Variants in ADAM17 observed in about 807,000 individuals in gnomAD.
ADAM17 encodes disintegrin and metalloproteinase domain-containing protein 17.
Under a neutral mutation model 96.7 loss-of-function variants are expected in ADAM17, and 39 were observed. The ratio of observed to expected loss-of-function variants is 0.40; its 90% CI spans 0.31 to 0.53. The LOEUF is 0.53. ADAM17 is among the 20% of genes least tolerant of loss of function. ADAM17 has a pLI of 0.44. For missense variants in ADAM17, 777 were observed against 1,013.2 expected, an observed-to-expected ratio of 0.77 and a Z score of 3.17; for synonymous variants, 344 against 359.2, an observed-to-expected ratio of 0.96 and a Z score of 0.48.
intron 11 of ADAM17, among the ~76,000 whole-genome samples, chr2:9,507,247 TGA>T (rs1003486492): frequency 4.6e-5 from 7 of 152,198 alleles, no homozygotes; most frequent in African/African-American, 1.7e-4. Context: ...CCCAGCACTT[TGA>T]GAGGTCGAGG....
At position 9,490,523 on chromosome 2, in the gene ADAM17, A is replaced by G; in HGVS notation, c.2134-5T>C. 6.2e-7 allele frequency: 1 copy of G among 1,608,804 alleles called. No individual in the cohort carries two copies. The highest frequency in any genetic ancestry group is 8.5e-7 in the Non-Finnish European group (1 of 1,176,230). On this transcript the variant is annotated splice_polypyrimidine_tract_variant and splice_region_variant and intron_variant, in intron 18 of 18. Transcript: ENST00000310823. ...GCTGCTCAGCATTTCGACGTTCTGC[A>G]AAGACATGGGTTCAATTGATTGATA...
rs200309188 is a variant in ADAM17, at chr2:9,499,624, G to A, written c.1649-2376C>T. The stretch of plus-strand genomic sequence containing the variant: ...TCACCGTGTTAGCCAGGATGGTCTC[G>A]ATCTCCTGATCTCGTGATCTGCCCA... On this transcript the variant is annotated intron_variant, in intron 13 of 18. Coordinates refer to ENST00000310823, the MANE Select transcript of ADAM17 (RefSeq NM_003183.6). 5.9e-5 allele frequency among the ~76,000 whole-genome samples: 9 copies of A among 152,180 alleles called. No homozygotes were observed. The East Asian group carries it at 9.7e-4, about 16-fold the overall frequency.
At chr2:9,554,551 A>G (rs1203468504) in intron 1 of ADAM17, among the ~76,000 whole-genome samples, 1 of 152,252 alleles carries the variant, frequency 6.6e-6, no homozygotes, top group East Asian at 1.9e-4. Context: ...ACATGGTATC[A>G]TGGTGAAATT....
chr2:9,539,024 A>G (rs568800416), intron 2 of ADAM17, among the ~76,000 whole-genome samples: 1 of 152,300 alleles, frequency 6.6e-6, no homozygotes, highest in South Asian at 2.1e-4. Flanking sequence ...AACTTTTTCC[A>G]AAAAAATTCA....
chr2:9,502,173 C>G lies in ADAM17; in HGVS notation c.1648G>C (p.Gly550Arg), dbSNP rs1663042114. 1 of 1,613,392 alleles carries G rather than the reference C, an allele frequency of 6.2e-7. No individual in the cohort carries two copies. Among genetic ancestry groups the G allele is most frequent in the Non-Finnish European group, 8.5e-7 (1 of 1,179,460 alleles). ...CCAAGGAAGCAACAAGAACACGAACCTGTGCAGTAGGACACGCCTTTGCAA... is the reference window on the plus strand; with the variant it reads ...CCAAGGAAGCAACAAGAACACGAACGTGTGCAGTAGGACACGCCTTTGCAA... ...ATCKGVSYCT[G>R]NSSECPPPGN... Residue 550 changes from glycine (G) to arginine (R), a missense_variant and splice_region_variant, in exon 13 of 19, where the codon GGT becomes CGT. Coordinates refer to ENST00000310823, the MANE Select transcript of ADAM17 (RefSeq NM_003183.6).
chr2:9,518,436 C>T (rs910963189), intron 8 of ADAM17, among the ~76,000 whole-genome samples, 189 bp from the exon 9 acceptor site: 1 of 152,156 alleles, frequency 6.6e-6, no homozygotes, highest in East Asian at 1.9e-4. Context: ...TCCACCTGCA[C>T]AGGTGAGAGG....
intron 1 of ADAM17, among the ~76,000 whole-genome samples, chr2:9,547,941 C>A (rs912266041): frequency 1.2e-4 from 18 of 152,070 alleles, no homozygotes; most frequent in African/African-American, 4.1e-4. Context: ...GTGGTGTACA[C>A]CTGCAGTCCC....
chr2:9,490,919 G>A (rs1416047692), intron 18 of ADAM17, among the ~76,000 whole-genome samples, 182 bp downstream of exon 18: 1 of 152,188 alleles, frequency 6.6e-6, no homozygotes, highest in Non-Finnish European at 1.5e-5. Context: ...GTCCATCCAT[G>A]CAACTAATCG....
intron 12 of ADAM17, among the ~76,000 whole-genome samples, chr2:9,504,504 C>A (rs1419481782): frequency 6.6e-6 from 1 of 151,714 alleles, no homozygotes; most frequent in Non-Finnish European, 1.5e-5. Context: ...CGGTGCCTCA[C>A]ACCTGTAATC....
Position 9,540,512 on chromosome 2 carries a change from T to A in ADAM17, c.230+2641A>T, listed in dbSNP as rs530927983. On this transcript the variant is annotated intron_variant, in intron 2 of 18. Coordinates refer to ENST00000310823, the MANE Select transcript of ADAM17 (RefSeq NM_003183.6). ...TATTAATATTACCAATCTGCTCAAATTTGGTGTAAGTTGAAAGCTAATAAC... is the reference window on the plus strand; with the variant it reads ...TATTAATATTACCAATCTGCTCAAAATTGGTGTAAGTTGAAAGCTAATAAC... Among the ~76,000 whole-genome samples, 11 of 152,276 alleles carry A rather than the reference T, an allele frequency of 7.2e-5. No individual in the cohort carries two copies. The South Asian group carries it at 2.3e-3, about 32-fold the overall frequency.
In ADAM17 at chr2:9,526,081, C is replaced by T. The variant is rs1412830631; in HGVS notation, c.753+30G>A. On this transcript the variant is annotated intron_variant, in intron 6 of 18. Transcript: ENST00000310823. ...AATGTACCCACCCAAATTTTTTTTT[C>T]AATTACTCGATGCAATATCAAATAC... 7 of 1,553,270 alleles carry T rather than the reference C, an allele frequency of 4.5e-6. No individual in the cohort carries two copies. In the Admixed American group the frequency reaches 7.9e-5, roughly 17 times the overall value.
rs55909096 is a variant in ADAM17, at chr2:9,520,964, CAAAA to C, written c.957+235_957+238del. ...GGGCAACAAGAGTGAAACTCTGTCT[CAAAA>C]AAAAAAAAAAAAAAAAAAGGAAGCA... On this transcript the variant is annotated intron_variant, in intron 8 of 18. Transcript: ENST00000310823. 3.8e-4 allele frequency among the ~76,000 whole-genome samples: 10 copies of C among 26,290 alleles called. 1 individual carries two copies. Among genetic ancestry groups the C allele is most frequent in the Non-Finnish European group, 5.3e-4 (6 of 11,376 alleles). 17.2% of individuals were successfully genotyped at this position (26,290 alleles called of 152,430 possible).
intron 1 of ADAM17, among the ~76,000 whole-genome samples, chr2:9,550,264 C>T (rs1273682020): frequency 1.3e-5 from 2 of 151,982 alleles, no homozygotes; most frequent in African/African-American, 4.8e-5. Flanking sequence ...GTATGAGCTG[C>T]TTCAACTAAT....
chr2:9,523,188 A>G, intron 7 of ADAM17, 61 bp downstream of exon 7: 1 of 1,297,524 alleles, frequency 7.7e-7, no homozygotes, highest in Non-Finnish European at 1.1e-6. Flanking sequence ...TTTTGAATAC[A>G]AGTGACAAAT....
rs34863481 is a variant in ADAM17, at chr2:9,518,259, C to CAAAAAA, written c.958-18_958-13dup. ...TCAAAGCTAAATTGCTTTGAAAGAC[C>CAAAAAA]AAAAAAAAAAAAAAAAAAAAAAGCA... On this transcript the variant is annotated splice_polypyrimidine_tract_variant and intron_variant, in intron 8 of 18. Transcript: ENST00000310823. The CAAAAAA allele has an allele frequency of 4.6e-5, 38 of 817,212 alleles. No homozygotes were observed. The highest frequency in any genetic ancestry group is 1.6e-4 in the East Asian group (3 of 18,222). The allele number at this position is 817,212 out of a possible 1,614,324, so 50.6% of individuals were successfully genotyped here. A position where few individuals can be genotyped will look rare whatever the true frequency, so the allele number is the denominator to read the frequency against.
chr2:9,489,443 A>T lies in ADAM17; in HGVS notation c.*734T>A, dbSNP rs1661901148. ...GTAACAGGGATACATGAAGATACTT[A>T]TAAAATACAGAAAAACTGCCCAGCA... On this transcript the variant is annotated 3_prime_UTR_variant, in exon 19 of 19. Transcript: ENST00000310823. 6.6e-6 allele frequency: 1 copy of T among 151,924 alleles called. No individual in the cohort carries two copies. Among genetic ancestry groups the T allele is most frequent in the Admixed American group, 6.6e-5 (1 of 15,238 alleles). 9.4% of individuals were successfully genotyped at this position (151,924 alleles called of 1,614,324 possible).
intron 1 of ADAM17, among the ~76,000 whole-genome samples, chr2:9,548,722 T>C (rs146380139): frequency 5.3e-4 from 80 of 152,336 alleles, no homozygotes; most frequent in Admixed American, 2.0e-3. Flanking sequence ...ATGAGCCACA[T>C]AGTGATTTTC....
intron 10 of ADAM17, among the ~76,000 whole-genome samples, chr2:9,517,478 C>A (rs188317598): frequency 1.3e-5 from 2 of 152,282 alleles, no homozygotes; most frequent in Non-Finnish European, 2.9e-5. Flanking sequence ...ATATGCAGGT[C>A]ATCTACGTTT....
intron 13 of ADAM17, 32 bp from the exon 14 acceptor site, chr2:9,497,280 A>C (rs1380065033): frequency 6.2e-7 from 1 of 1,612,580 alleles, no homozygotes; most frequent in African/African-American, 1.3e-5. Context: ...AACAAAAAGA[A>C]TGAGTCACAG....
Sources: allele counts gnomAD v4.1 joint callset (sites outside exome capture counted in the v4.1 genomes callset), GRCh38; gene constraint gnomAD v4.1.1; transcripts MANE v1.5; gene names NCBI Gene and HGNC (gene_info 2026-07-23, HGNC 2026-07-21).